The following CCDC187 variants were observed in gnomAD, a reference collection of about 807,000 sequenced individuals.
CCDC187 encodes coiled-coil domain containing 187.
CCDC187 carries 32 observed loss-of-function variants against 38.0 expected under a neutral mutation model. The ratio of observed to expected loss-of-function variants is 0.84; its 90% CI spans 0.64 to 1.13. The LOEUF is 1.13. Ranked by LOEUF, CCDC187 falls within the 50% of genes most tolerant of loss-of-function variation. The pLI is 0.00. For missense variants in CCDC187, 707 were observed against 786.8 expected (o/e 0.90, Z 1.21); for synonymous variants, 333 against 347.9 (o/e 0.96, Z 0.48).
intron 14 of CCDC187, among the ~76,000 whole-genome samples, chr9:136,272,635 G>A (rs1830859112): frequency 6.6e-6 from 1 of 151,978 alleles, no homozygotes; most frequent in African/African-American, 2.4e-5. Flanking sequence ...CCTGCAAGGT[G>A]GAGGTTGCAG....
Position 136,291,102 on chromosome 9 carries a change from G to C in CCDC187, c.1511C>G (p.Ala504Gly). The C allele has an allele frequency of 2.5e-6, 1 of 398,546 alleles. No homozygotes were observed. 24.7% of individuals were successfully genotyped at this position (398,546 alleles called of 1,614,324 possible). A position where few individuals can be genotyped will look rare whatever the true frequency, so the allele number is the denominator to read the frequency against. ...GGGGCCCTGTCTTTGGGCCCCCCAG[G>C]CCCTCTGCGGACTGCAGGCCTGCCC... ...LAGQACSPQR[A>G]WGAQRQGPSS... is the part of the protein sequence containing the mutation. The change falls in exon 6 of 26, where the codon GCC becomes GGC. Residue 504 changes from alanine (A) to glycine (G), a missense_variant. Physicochemically the swap from Ala to Gly is moderately conservative, Grantham distance 60. Transcript: ENST00000638797.
rs560733100 is a variant in CCDC187, at chr9:136,257,595, G to A, written c.4367-754C>T. 2.6e-4 allele frequency among the ~76,000 whole-genome samples: 40 copies of A among 152,254 alleles called. No individual in the cohort carries two copies. Among genetic ancestry groups the A allele is most frequent in the African/African-American group, 9.4e-4 (39 of 41,548 alleles). On this transcript the variant is annotated intron_variant, in intron 22 of 25. Coordinates refer to ENST00000638797, the MANE Select transcript of CCDC187 (RefSeq NM_001378188.1). This position sits in a 1 kb window ranked among gnomAD's most constrained non-coding sequence, Gnocchi z 4.5. ...CACAAAGGGGGACAAAGGGACGGGT[G>A]GGGCCACCGCAGAGCCCTCCCCAGG...
At chr9:136,259,197 G>A (rs764335585) in intron 21 of CCDC187, among the ~76,000 whole-genome samples, 166 bp downstream of exon 21, 8 of 127,970 alleles carry the variant, frequency 6.3e-5, no homozygotes, top group Non-Finnish European at 1.1e-4. Flanking sequence ...CCGGCCACAG[G>A]AACCAAGGGG....
intron 2 of CCDC187, 73 bp downstream of exon 2, chr9:136,302,739 G>A (rs1232106056): frequency 3.5e-5 from 14 of 398,802 alleles, no homozygotes; most frequent in Admixed American, 2.6e-4. Flanking sequence ...AGCACAGCCC[G>A]ATCCTGCCCG....
chr9:136,267,335 A>G lies in CCDC187; in HGVS notation c.3647+49T>C, dbSNP rs868989469. ...GGCTACAGCAGGGCGGGGCTACAGCAGGGCGGGGCTACGGCGGGGCGGGGC... is the reference window on the plus strand; with the variant it reads ...GGCTACAGCAGGGCGGGGCTACAGCGGGGCGGGGCTACGGCGGGGCGGGGC... On this transcript the variant is annotated intron_variant, in intron 16 of 25. Coordinates refer to ENST00000638797, the MANE Select transcript of CCDC187 (RefSeq NM_001378188.1). 2,618 of 850,988 alleles carry G rather than the reference A, an allele frequency of 3.1e-3. 35 individuals carry two copies. The African/African-American group carries it at 0.066, about 21-fold the overall frequency. 52.7% of individuals were successfully genotyped at this position (850,988 alleles called of 1,614,324 possible).
rs971308214 is a variant in CCDC187, at chr9:136,289,965, G to A, written c.2216C>T (p.Pro739Leu). The change falls in exon 7 of 26, where the codon CCA (proline) becomes CTA (leucine). Residue 739 changes from proline (P) to leucine (L), a missense_variant. Coordinates refer to ENST00000638797, the MANE Select transcript of CCDC187 (RefSeq NM_001378188.1). ...CCCACACTTTCACACCCACCTGCCTGGGGCTTCCTGGCCCCCCAGCACCAT... is the reference window on the plus strand; with the variant it reads ...CCCACACTTTCACACCCACCTGCCTAGGGCTTCCTGGCCCCCCAGCACCAT... Reference protein sequence around the residue: ...SGMVLGGQEAPGSFCLCLNRA... With the variant: ...SGMVLGGQEALGSFCLCLNRA... The A allele has an allele frequency of 4.2e-3, 1,654 of 396,264 alleles. 31 individuals are homozygous for A. The highest frequency in any genetic ancestry group is 0.031 in the African/African-American group (1,496 of 48,504). The allele number at this position is 396,264 out of a possible 1,614,324, so 24.5% of individuals were successfully genotyped here. A position where few individuals can be genotyped will look rare whatever the true frequency, so the allele number is the denominator to read the frequency against.
rs542496162 is a variant in CCDC187, at chr9:136,260,151, G to C, written c.4178C>G (p.Pro1393Arg). ...GACATGGCTGCCACTCTCCACCAGC[G>C]GGCCCTGGGGGTCGTGTGTGTCCTC... The part of the protein sequence containing the change: ...WGEDTHDPQG[P>R]LVESGSHVSQ... Residue 1393 changes from proline to arginine, a missense_variant, in exon 20 of 26, where the codon CCG becomes CGG. Pro to Arg is a moderately radical substitution (Grantham distance 103). Coordinates refer to ENST00000638797, the MANE Select transcript of CCDC187 (RefSeq NM_001378188.1). 18 of 985,384 alleles carry C rather than the reference G, an allele frequency of 1.8e-5. No homozygotes were observed. The East Asian group carries it at 1.9e-3, about 106-fold the overall frequency. 61.0% of individuals were successfully genotyped at this position (985,384 alleles called of 1,614,324 possible). A position where few individuals can be genotyped will look rare whatever the true frequency, so the allele number is the denominator to read the frequency against.
rs1830590500 is a variant in CCDC187, at chr9:136,254,629, G to A, written c.5199C>T (p.Ser1733=). ...AAGGCAGTAGCCAGCCTGCCTTTGG[G>A]CTTTGCTCCGGCGCTGAAACTTCTG... ...AMAEVSAPEQ[S]PKAGWLLPFP... is the part of the protein sequence containing the mutation. Residue 1733 remains serine (S), a synonymous_variant, in exon 26 of 26, where the codon AGC becomes AGT. Coordinates refer to ENST00000638797, the MANE Select transcript of CCDC187 (RefSeq NM_001378188.1). 1 of 985,422 alleles carries A rather than the reference G, an allele frequency of 1.0e-6. No homozygotes were observed. The highest frequency in any genetic ancestry group is 4.7e-5 in the South Asian group (1 of 21,294). The allele number at this position is 985,422 out of a possible 1,614,324, so 61.0% of individuals were successfully genotyped here.
intron 5 of CCDC187, among the ~76,000 whole-genome samples, 152 bp downstream of exon 5, chr9:136,292,009 G>T (rs900531480): frequency 2.6e-5 from 4 of 152,336 alleles, no homozygotes; most frequent in Admixed American, 2.6e-4. Flanking sequence ...AGTTGAATGG[G>T]TGGCAGGTTT....
intron 4 of CCDC187, among the ~76,000 whole-genome samples, chr9:136,295,368 G>T (rs910214439): frequency 6.6e-6 from 1 of 152,210 alleles, no homozygotes; most frequent in Non-Finnish European, 1.5e-5. Flanking sequence ...GTCCTGATGG[G>T]CACATTTTTT....
At position 136,257,376 on chromosome 9, in the gene CCDC187, T is replaced by TATAATA. The variant is rs66462838; in HGVS notation, c.4367-541_4367-536dup. On this transcript the variant is annotated intron_variant, in intron 22 of 25. Transcript: ENST00000638797. The surrounding 1 kb of genome is among the most constrained non-coding windows in gnomAD (Gnocchi z 4.5). ...AGAGAGTGAGACTTTGTCTCAAAAT[T>TATAATA]ATAATAATAATAATAATAATAATAA... Among the ~76,000 whole-genome samples, 395 of 147,040 alleles carry TATAATA rather than the reference T, an allele frequency of 2.7e-3. 7 individuals carry two copies. Among genetic ancestry groups the TATAATA allele is most frequent in the Admixed American group, 0.018 (271 of 14,780 alleles).
rs992422713 is a variant in CCDC187 at position 136,258,096 on chromosome 9, G to A, written c.4366+836C>T. Among the ~76,000 whole-genome samples the A allele has an allele frequency of 1.1e-4, 16 of 152,180 alleles. No homozygotes were observed. The highest frequency in any genetic ancestry group is 3.1e-4 in the African/African-American group (13 of 41,430). On this transcript the variant is annotated intron_variant, in intron 22 of 25. Coordinates refer to ENST00000638797, the MANE Select transcript of CCDC187 (RefSeq NM_001378188.1). This position sits in a 1 kb window ranked among gnomAD's most constrained non-coding sequence, Gnocchi z 4.3. ...AGGCTGAGCAAGCTTCACGGTGGCC[G>A]CAGAAGCCTGAACAGCGCAGGCCCG...
At chr9:136,298,590 C>T (rs1243860017) in intron 3 of CCDC187, among the ~76,000 whole-genome samples, 1 of 152,242 alleles carries the variant, frequency 6.6e-6, no homozygotes, top group Admixed American at 6.5e-5. Flanking sequence ...GACCCTGGCC[C>T]AAAGGCGTCT....
intron 18 of CCDC187, among the ~76,000 whole-genome samples, 195 bp downstream of exon 18, chr9:136,263,427 G>T (rs1830703778): frequency 6.6e-6 from 1 of 152,090 alleles, no homozygotes; most frequent in African/African-American, 2.4e-5. Flanking sequence ...GTAGAGACGG[G>T]GTTTCACTGT....
At chr9:136,259,850 G>T (rs1318430660) in intron 20 of CCDC187, among the ~76,000 whole-genome samples, 2 of 152,214 alleles carry the variant, frequency 1.3e-5, no homozygotes, top group African/African-American at 4.8e-5. Flanking sequence ...GAACCTGAGT[G>T]GTTTCCCGGC....
At chr9:136,294,904 T>C (rs1831497669) in intron 4 of CCDC187, among the ~76,000 whole-genome samples, 1 of 152,210 alleles carries the variant, frequency 6.6e-6, no homozygotes, top group African/African-American at 2.4e-5. Flanking sequence ...CTCAGGATTC[T>C]CAGACCTGGG....
In CCDC187 at chr9:136,250,029, G is replaced by C. The variant is rs183524760; in HGVS notation, c.*3565C>G. ...GCGGTGACGACAGATCAGAGCCCAGGCAAATACAGCAGGAGACCTTGAAGG... is the reference window on the plus strand; with the variant it reads ...GCGGTGACGACAGATCAGAGCCCAGCCAAATACAGCAGGAGACCTTGAAGG... On this transcript the variant is annotated 3_prime_UTR_variant, in exon 26 of 26. Coordinates refer to ENST00000638797, the MANE Select transcript of CCDC187 (RefSeq NM_001378188.1). 6.6e-6 allele frequency: 1 copy of C among 152,254 alleles called. No individual in the cohort carries two copies. Among genetic ancestry groups the C allele is most frequent in the African/African-American group, 2.4e-5 (1 of 41,446 alleles). 9.4% of individuals were successfully genotyped at this position (152,254 alleles called of 1,614,324 possible). A position where few individuals can be genotyped will look rare whatever the true frequency, so the allele number is the denominator to read the frequency against.
chr9:136,304,882 C>T (rs1226433694), upstream of CCDC187, among the ~76,000 whole-genome samples: 35 of 152,318 alleles, frequency 2.3e-4, no homozygotes, highest in African/African-American at 4.8e-5. Context: ...GAGGTCTGCG[C>T]GAAAGACCTC....
At chr9:136,289,927 G>T in intron 7 of CCDC187, 32 bp downstream of exon 7, 1 of 369,202 alleles carries the variant, frequency 2.7e-6, no homozygotes, top group East Asian at 3.8e-5. Context: ...GGCCCCGCCC[G>T]GCATGTGCAG....
Sources: allele counts gnomAD v4.1 joint callset (sites outside exome capture counted in the v4.1 genomes callset), GRCh38; gene constraint gnomAD v4.1.1; non-coding constraint Gnocchi (gnomAD v3.1); transcripts MANE v1.5; gene names NCBI Gene and HGNC (gene_info 2026-07-23, HGNC 2026-07-21).